RPS6KA4: variants seen among roughly 807,000 people sequenced by gnomAD.
RPS6KA4 encodes ribosomal protein S6 kinase A4, also known as ribosomal protein S6 kinase alpha-4.
Under a neutral mutation model 89.6 loss-of-function variants are expected in RPS6KA4, and 38 were observed. That is an observed-to-expected ratio of 0.42 (90% CI 0.33 to 0.56). RPS6KA4 has a LOEUF of 0.56. RPS6KA4 is among the 20% of genes least tolerant of loss of function. The probability of loss-of-function intolerance (pLI) is 0.07; values close to 1 mark genes in which losing one functional copy is unlikely to be tolerated. For synonymous variants in RPS6KA4, 495 were observed against 492.8 expected, an observed-to-expected ratio of 1.00 and a Z score of -0.06; for missense variants, 873 against 1,098.8, an observed-to-expected ratio of 0.79 and a Z score of 2.90.
At chr11:64,367,660 A>G (rs1210985281) in intron 9 of RPS6KA4, among the ~76,000 whole-genome samples, 2 of 152,218 alleles carry the variant, frequency 1.3e-5, no homozygotes, top group African/African-American at 2.4e-5. Context: ...TTGCCAGGAC[A>G]TGGATCTTTA....
chr11:64,362,089 A>T, intron 8 of RPS6KA4, 87 bp downstream of exon 8: 2 of 1,459,406 alleles, frequency 1.4e-6, no homozygotes, highest in South Asian at 1.3e-5. Flanking sequence ...GGCCAGTTTC[A>T]CTTTATTTGG....
At position 64,361,697 on chromosome 11, in the gene RPS6KA4, C is replaced by T. The variant is rs746466314; in HGVS notation, c.707C>T (p.Ser236Leu). ...CTCTTCGAGCTGCTGACGGGGGCCT[C>T]GCCCTTCACCCTGGAGGGCGAGAGG... ...ILLFELLTGA[S>L]PFTLEGERNT... Residue 236 changes from serine to leucine, a missense_variant, in exon 7 of 17, where the codon TCG becomes TTG. Physicochemically the swap from Ser to Leu is moderately radical, Grantham distance 145. Transcript: ENST00000334205. This position sits in a 1 kb window ranked among gnomAD's most constrained non-coding sequence, Gnocchi z 4.7. 6.2e-6 allele frequency: 10 copies of T among 1,611,568 alleles called. No homozygotes were observed. Among genetic ancestry groups the T allele is most frequent in the East Asian group, 2.2e-5 (1 of 44,846 alleles).
chr11:64,361,968 G>A lies in RPS6KA4; in HGVS notation c.872G>A (p.Gly291Glu), dbSNP rs747947296. The A allele has an allele frequency of 2.5e-6, 4 of 1,611,046 alleles. No homozygotes were observed. In the Admixed American group the frequency reaches 5.1e-5, roughly 20 times the overall value. Residue 291 changes from glycine to glutamate, a missense_variant, in exon 8 of 17, where the codon GGG becomes GAG. Transcript: ENST00000334205. The surrounding 1 kb of genome is among the most constrained non-coding windows in gnomAD (Gnocchi z 4.7). ...AAGCGATTGGGCGCGGGGCCCCAGGGGGCACAAGAAGTCCGGAACCATCCC... is the reference window on the plus strand; with the variant it reads ...AAGCGATTGGGCGCGGGGCCCCAGGAGGCACAAGAAGTCCGGAACCATCCC... ...PKKRLGAGPQ[G>E]AQEVRNHPFF... is the part of the protein sequence containing the mutation.
At chr11:64,365,903 G>T (rs888477963) in intron 9 of RPS6KA4, among the ~76,000 whole-genome samples, 1 of 152,070 alleles carries the variant, frequency 6.6e-6, no homozygotes, top group African/African-American at 2.4e-5. Flanking sequence ...GCTGGATGTG[G>T]TGGTATGCGC....
At chr11:64,359,348 G>A (rs1046799628) in intron 1 of RPS6KA4, 30 bp from the exon 2 acceptor site, 3 of 1,611,084 alleles carry the variant, frequency 1.9e-6, no homozygotes, top group Non-Finnish European at 2.5e-6. Flanking sequence ...TCATGGACCG[G>A]CTGGGCTCAT....
At position 64,371,457 on chromosome 11, in the gene RPS6KA4, A is replaced by T; in HGVS notation, c.2296A>T (p.Asn766Tyr). 1 of 1,321,330 alleles carries T rather than the reference A, an allele frequency of 7.6e-7. No individual in the cohort carries two copies. The highest frequency in any genetic ancestry group is 1.0e-6 in the Non-Finnish European group (1 of 972,942). 81.9% of individuals were successfully genotyped at this position (1,321,330 alleles called of 1,614,324 possible). ...VASKGAPRRA[N>Y]GPLPPS ...CTCCAAAGGGGCCCCCCGCCGAGCC[A>T]ACGGCCCCCTGCCCCCCTCCTAATC... Residue 766 changes from asparagine (N) to tyrosine (Y), a missense_variant, in exon 17 of 17, where the codon AAC (asparagine) becomes TAC (tyrosine). Around this residue, in one of 4 missense-constraint regions of RPS6KA4, gnomAD observed 278 missense variants for 284.8 expected, o/e 0.98. Coordinates refer to ENST00000334205, the MANE Select transcript of RPS6KA4 (RefSeq NM_003942.3).
Position 64,368,473 on chromosome 11 carries a change from G to T in RPS6KA4, c.1206G>T (p.Ser402=). The T allele has an allele frequency of 1.3e-6, 2 of 1,551,866 alleles. No individual in the cohort carries two copies. The highest frequency in any genetic ancestry group is 1.7e-6 in the Non-Finnish European group (2 of 1,148,584). ...GCCTTCGCCTTCGCCTCCAGGACTCGCCCTTCTTCCAGCAGTACGAGCTGG... is the reference window on the plus strand; with the variant it reads ...GCCTTCGCCTTCGCCTCCAGGACTCTCCCTTCTTCCAGCAGTACGAGCTGG... ...AVARSAMMQD[S]PFFQQYELDL... The change falls in exon 11 of 17, where the codon TCG becomes TCT. Residue 402 remains serine, a synonymous_variant. Coordinates refer to ENST00000334205, the MANE Select transcript of RPS6KA4 (RefSeq NM_003942.3).
chr11:64,366,316 G>A (rs764291325), intron 9 of RPS6KA4, among the ~76,000 whole-genome samples: 3 of 152,028 alleles, frequency 2.0e-5, no homozygotes, highest in African/African-American at 4.8e-5. Flanking sequence ...GACTACAGGC[G>A]TGCGCCACCA....
chr11:64,368,436 G>A lies in RPS6KA4; in HGVS notation c.1201-32G>A, dbSNP rs1437520146. 5.8e-6 allele frequency: 9 copies of A among 1,541,582 alleles called. 1 individual carries two copies. Among genetic ancestry groups the A allele is most frequent in the South Asian group, 3.6e-5 (3 of 83,686 alleles). ...TACCAGGTGGGACCTCTGACGCGCC[G>A]CCTTCGCCTTCGCCTTCGCCTTCGC... On this transcript the variant is annotated intron_variant, in intron 10 of 16. Coordinates refer to ENST00000334205, the MANE Select transcript of RPS6KA4 (RefSeq NM_003942.3).
At chr11:64,364,801 G>A (rs1235598654) in intron 8 of RPS6KA4, among the ~76,000 whole-genome samples, 2 of 148,844 alleles carry the variant, frequency 1.3e-5, no homozygotes, top group Non-Finnish European at 3.0e-5. Flanking sequence ...GTGCAGTGGC[G>A]CTATCTTGGT....
rs1235444462 is a variant in RPS6KA4 at position 64,370,419 on chromosome 11, AG to A, written c.1957+40del. 2 of 1,605,846 alleles carry A rather than the reference AG, an allele frequency of 1.2e-6. No individual in the cohort carries two copies. Among genetic ancestry groups the A allele is most frequent in the Admixed American group, 3.5e-5 (2 of 57,702 alleles). ...TGGAGGTCATAGACCATGGTTGGGG[AG>A]GGGGACGCTGGGACAGGGATGGTCA... On this transcript the variant is annotated intron_variant, in intron 15 of 16. Coordinates refer to ENST00000334205, the MANE Select transcript of RPS6KA4 (RefSeq NM_003942.3). This position sits in a 1 kb window ranked among gnomAD's most constrained non-coding sequence, Gnocchi z 4.1.
At chr11:64,368,951 G>A (rs1253145567) in intron 12 of RPS6KA4, among the ~76,000 whole-genome samples, 154 bp downstream of exon 12, 1 of 152,146 alleles carries the variant, frequency 6.6e-6, no homozygotes, top group African/African-American at 2.4e-5. Flanking sequence ...TGGAATTTGA[G>A]GGGAGTAGGG....
rs2036748345 is a variant in RPS6KA4 at position 64,361,525 on chromosome 11, C to G, written c.627C>G (p.Ile209Met). Residue 209 changes from isoleucine (I) to methionine (M), a missense_variant, in exon 6 of 17, where the codon ATC (isoleucine) becomes ATG (methionine). Transcript: ENST00000334205. This position sits in a 1 kb window ranked among gnomAD's most constrained non-coding sequence, Gnocchi z 4.7. ...GTIEYMAPEIIRSKTGHGKAV... is the reference protein window; with the variant it reads ...GTIEYMAPEIMRSKTGHGKAV... Reference sequence around the variant, plus strand: ...TCGAGTACATGGCCCCCGAAATCATCCGTAGCAAGACGGGGCATGGCAAGG... The same window carrying G: ...TCGAGTACATGGCCCCCGAAATCATGCGTAGCAAGACGGGGCATGGCAAGG... 2.5e-6 allele frequency: 4 copies of G among 1,614,150 alleles called. No individual in the cohort carries two copies. The highest frequency in any genetic ancestry group is 3.4e-6 in the Non-Finnish European group (4 of 1,180,022).
rs561570904 is a variant in RPS6KA4 at position 64,366,836 on chromosome 11, A to G, written c.1072-1296A>G. Among the ~76,000 whole-genome samples the G allele has an allele frequency of 5.7e-4, 87 of 152,216 alleles. 2 individuals carry two copies. The South Asian group carries it at 0.017, about 30-fold the overall frequency. On this transcript the variant is annotated intron_variant, in intron 9 of 16. Coordinates refer to ENST00000334205, the MANE Select transcript of RPS6KA4 (RefSeq NM_003942.3). ...TGCAGTTTATCATGTTGCCATAATG[A>G]TATTATATCATTATCACTAAATAAA...
Position 64,361,571 on chromosome 11 carries a change from G to C in RPS6KA4, c.651+22G>C. 1.2e-6 allele frequency: 2 copies of C among 1,613,962 alleles called. No individual in the cohort carries two copies. The highest frequency in any genetic ancestry group is 1.7e-6 in the Non-Finnish European group (2 of 1,179,976). On this transcript the variant is annotated intron_variant, in intron 6 of 16. Transcript: ENST00000334205. The surrounding 1 kb of genome is among the most constrained non-coding windows in gnomAD (Gnocchi z 4.7). Reference sequence around the variant, plus strand: ...CAAGGTAGGTTGGCAGGGAAGTGGGGCTGGGGGAGGTGGAAAGGTGGGGTG... The same window carrying C: ...CAAGGTAGGTTGGCAGGGAAGTGGGCCTGGGGGAGGTGGAAAGGTGGGGTG...
At chr11:64,362,764 G>A (rs1007116807) in intron 8 of RPS6KA4, among the ~76,000 whole-genome samples, 1 of 152,186 alleles carries the variant, frequency 6.6e-6, no homozygotes, top group Non-Finnish European at 1.5e-5. Context: ...TCCACCTCAG[G>A]GGTTCAAGCG....
rs762857058 is a variant in RPS6KA4 at position 64,369,824 on chromosome 11, T to C, written c.1728T>C (p.Ala576=). The change falls in exon 14 of 17, where the codon GCT becomes GCC. Residue 576 remains alanine, a synonymous_variant. Coordinates refer to ENST00000334205, the MANE Select transcript of RPS6KA4 (RefSeq NM_003942.3). ...MQTPCFTLQY[A]APELLAQQGY... ...CGCCCTGCTTCACGCTGCAGTACGC[T>C]GCCCCCGAGCTGCTGGCGCAGCAGG... 12 of 1,596,922 alleles carry C rather than the reference T, an allele frequency of 7.5e-6. No homozygotes were observed. The African/African-American group carries it at 1.1e-4, about 14-fold the overall frequency.
In RPS6KA4 at chr11:64,370,407, C is replaced by A; in HGVS notation, c.1957+23C>A. ...GAGGTGCGGAGCTGGAGGTCATAGA[C>A]CATGGTTGGGGAGGGGGACGCTGGG... is the stretch of plus-strand genomic sequence containing the variant. On this transcript the variant is annotated intron_variant, in intron 15 of 16. Transcript: ENST00000334205. This position sits in a 1 kb window ranked among gnomAD's most constrained non-coding sequence, Gnocchi z 4.1. The A allele has an allele frequency of 6.2e-7, 1 of 1,609,438 alleles. No homozygotes were observed. Among genetic ancestry groups the A allele is most frequent in the South Asian group, 1.1e-5 (1 of 90,838 alleles).
At chr11:64,371,188 G>C in intron 16 of RPS6KA4, 95 bp from the exon 17 acceptor site, 1 of 1,238,642 alleles carries the variant, frequency 8.1e-7, no homozygotes, top group South Asian at 1.3e-5. Context: ...CTTGACCTAG[G>C]CGGCTGGAGG....
Sources: allele counts gnomAD v4.1 joint callset (sites outside exome capture counted in the v4.1 genomes callset), GRCh38; gene constraint gnomAD v4.1.1; regional missense constraint gnomAD v4.1.1; non-coding constraint Gnocchi (gnomAD v3.1); transcripts MANE v1.5; gene names NCBI Gene and HGNC (gene_info 2026-07-23, HGNC 2026-07-21).